The following DIAPH3 variants were observed in gnomAD, a reference collection of about 807,000 sequenced individuals.
DIAPH3 encodes the protein protein diaphanous homolog 3.
A neutral mutation model predicts 144.3 loss-of-function variants in DIAPH3; 117 were observed. The observed-to-expected ratio is 0.81, with a 90% CI of 0.70 to 0.95. DIAPH3 has a LOEUF of 0.95. Ranked by LOEUF, DIAPH3 falls within the 40% of genes least tolerant of loss-of-function variation. The pLI, the probability that DIAPH3 is intolerant of heterozygous loss-of-function variation, is 0.00. For synonymous variants in DIAPH3, 519 were observed against 488.9 expected, an observed-to-expected ratio of 1.06 and a Z score of -0.81; for missense variants, 1,421 against 1,412.7, an observed-to-expected ratio of 1.01 and a Z score of -0.09.
At chr13:59,709,430 C>T (rs565637340) in intron 27 of DIAPH3, among the ~76,000 whole-genome samples, 13 of 152,138 alleles carry the variant, frequency 8.5e-5, no homozygotes, top group South Asian at 6.2e-4. Flanking sequence ...AAAAAGGTGG[C>T]GAAGGACATG....
chr13:59,974,345 A>G lies in DIAPH3; in HGVS notation c.1650+7T>C, dbSNP rs544721270. 1.0e-4 allele frequency: 161 copies of G among 1,609,814 alleles called. 2 individuals are homozygous for G. In the South Asian group the frequency reaches 1.7e-3, roughly 17 times the overall value. ...AATACCCAAATTCACTCAGAGTGGA[A>G]TTTTACCTGAGACTTAAAAGCTTGT... On this transcript the variant is annotated splice_region_variant and intron_variant, in intron 15 of 27. Coordinates refer to ENST00000400324, the MANE Select transcript of DIAPH3 (RefSeq NM_001042517.2).
intron 25 of DIAPH3, among the ~76,000 whole-genome samples, chr13:59,800,883 T>C (rs2039868615): frequency 6.6e-6 from 1 of 152,200 alleles, no homozygotes; most frequent in Non-Finnish European, 1.5e-5. Flanking sequence ...GTTAAAATAG[T>C]TAATACATTT....
At chr13:59,742,354 T>C (rs2036498194) in intron 27 of DIAPH3, among the ~76,000 whole-genome samples, 1 of 152,096 alleles carries the variant, frequency 6.6e-6, no homozygotes, top group African/African-American at 2.4e-5. Flanking sequence ...TTTTTATGCT[T>C]AGGTTTGATG....
At chr13:60,045,719 T>A (rs1307202582) in intron 4 of DIAPH3, among the ~76,000 whole-genome samples, 3 of 152,210 alleles carry the variant, frequency 2.0e-5, no homozygotes, top group African/African-American at 7.2e-5. Flanking sequence ...TTGCAGCCCA[T>A]TCTAAATTTA....
At chr13:60,051,437 T>G (rs1233396774) in intron 4 of DIAPH3, among the ~76,000 whole-genome samples, 1 of 151,978 alleles carries the variant, frequency 6.6e-6, no homozygotes, top group Non-Finnish European at 1.5e-5. Flanking sequence ...CTGGCCAACA[T>G]GTCAAAACCC....
At chr13:60,053,418 A>T (rs898401034) in intron 4 of DIAPH3, among the ~76,000 whole-genome samples, 15 of 152,170 alleles carry the variant, frequency 9.9e-5, no homozygotes, top group Admixed American at 7.9e-4. Flanking sequence ...TCCTTTAGCA[A>T]ATTTTATTCT....
intron 17 of DIAPH3, among the ~76,000 whole-genome samples, chr13:59,950,176 T>C (rs569609115): frequency 1.3e-5 from 2 of 152,260 alleles, no homozygotes; most frequent in South Asian, 4.2e-4. Flanking sequence ...AAAATATAAA[T>C]GCCTAGATTT....
At chr13:59,787,366 G>A (rs2039089057) in intron 25 of DIAPH3, among the ~76,000 whole-genome samples, 1 of 152,174 alleles carries the variant, frequency 6.6e-6, no homozygotes, top group African/African-American at 2.4e-5. Flanking sequence ...TATATTTTCA[G>A]TAGTTCTGGA....
chr13:59,950,253 T>C (rs1298314633), intron 17 of DIAPH3, among the ~76,000 whole-genome samples: 4 of 152,158 alleles, frequency 2.6e-5, no homozygotes, highest in African/African-American at 9.6e-5. Context: ...CATTGTCCCA[T>C]ATATATCTTC....
At position 59,837,824 on chromosome 13, in the gene DIAPH3, C is replaced by T. The variant is rs1386387399; in HGVS notation, c.2862+1500G>A. The T allele has an allele frequency of 2.0e-5, 3 of 150,326 alleles. No homozygotes were observed. The East Asian group carries it at 5.8e-4, about 29-fold the overall frequency. The allele number at this position is 150,326 out of a possible 1,614,324, so 9.3% of individuals were successfully genotyped here. A position where few individuals can be genotyped will look rare whatever the true frequency, so the allele number is the denominator to read the frequency against. On this transcript the variant is annotated intron_variant, in intron 23 of 27. Coordinates refer to ENST00000400324, the MANE Select transcript of DIAPH3 (RefSeq NM_001042517.2). ...CAGTAGGGTGATAAAGGCATCCTCCCTAATGAAATAAGAAACTGGATGGGT... is the reference window on the plus strand; with the variant it reads ...CAGTAGGGTGATAAAGGCATCCTCCTTAATGAAATAAGAAACTGGATGGGT...
At chr13:60,065,253 TAAAAA>T (rs11344639) in intron 4 of DIAPH3, among the ~76,000 whole-genome samples, 4 of 88,314 alleles carry the variant, frequency 4.5e-5, no homozygotes, top group African/African-American at 1.7e-4. Context: ...TTTAATTTAT[TAAAAA>T]AAAAAAAAAA....
chr13:60,024,838 C>T (rs2054271659), intron 5 of DIAPH3, among the ~76,000 whole-genome samples: 1 of 152,158 alleles, frequency 6.6e-6, no homozygotes, highest in East Asian at 1.9e-4. Flanking sequence ...TTTGTTACCA[C>T]TTGACATGGA....
At chr13:60,155,595 T>C (rs1434727620) in intron 1 of DIAPH3, among the ~76,000 whole-genome samples, 2 of 152,218 alleles carry the variant, frequency 1.3e-5, no homozygotes, top group African/African-American at 2.4e-5. Flanking sequence ...CAATGCCTGG[T>C]GTGTGTTAGG....
chr13:60,019,620 A>G (rs1293064574), intron 5 of DIAPH3, among the ~76,000 whole-genome samples: 1 of 151,984 alleles, frequency 6.6e-6, no homozygotes. Flanking sequence ...AAAAAAAAAA[A>G]AAACAGAGGG....
intron 26 of DIAPH3, 57 bp from the exon 27 acceptor site, chr13:59,774,305 GA>G: frequency 7.0e-7 from 1 of 1,437,038 alleles, no homozygotes; most frequent in Non-Finnish European, 9.6e-7. Flanking sequence ...TCTCAAGAAG[GA>G]AAACAGTATT....
At chr13:60,126,144 C>T (rs765611821) in intron 2 of DIAPH3, among the ~76,000 whole-genome samples, 2 of 151,810 alleles carry the variant, frequency 1.3e-5, no homozygotes, top group Non-Finnish European at 2.9e-5. Context: ...ACACTACATA[C>T]CGAGGGAAAG....
intron 27 of DIAPH3, among the ~76,000 whole-genome samples, chr13:59,702,856 T>C (rs2034187923): frequency 6.6e-6 from 1 of 152,072 alleles, no homozygotes; most frequent in African/African-American, 2.4e-5. Context: ...CTGCATTGAG[T>C]CCCTATCCTT....
intron 4 of DIAPH3, among the ~76,000 whole-genome samples, chr13:60,083,589 G>A (rs2137824043): frequency 6.6e-6 from 1 of 152,064 alleles, no homozygotes; most frequent in African/African-American, 2.4e-5. Flanking sequence ...AATTCAGAAT[G>A]TCCTGGATAA....
At chr13:60,093,225 G>A (rs972408018) in intron 4 of DIAPH3, among the ~76,000 whole-genome samples, 1 of 152,156 alleles carries the variant, frequency 6.6e-6, no homozygotes, top group Non-Finnish European at 1.5e-5. Flanking sequence ...TTCATAGGGA[G>A]ACTCACATTA....
Sources: gnomAD v4.1 joint callset for allele counts (sites outside exome capture counted in the v4.1 genomes callset) on GRCh38, gnomAD v4.1.1 for gene constraint, MANE v1.5 for transcripts, NCBI Gene and HGNC (gene_info 2026-07-23, HGNC 2026-07-21) for gene names.